ITGA8: variants seen among roughly 807,000 people sequenced by gnomAD.
ITGA8 encodes the protein integrin alpha-8.
A neutral mutation model predicts 142.3 loss-of-function variants in ITGA8; 91 were observed. The observed-to-expected ratio is 0.64, with a 90% CI of 0.54 to 0.76. The LOEUF (loss-of-function observed/expected upper bound fraction) is 0.76. Among genes scored for constraint, ITGA8 ranks in the 30% least tolerant of loss-of-function variants. ITGA8 has a pLI of 0.00. For synonymous variants in ITGA8, 505 were observed against 485.2 expected (o/e 1.04, Z -0.54); for missense variants, 1,406 against 1,327.7 (o/e 1.06, Z -0.92).
At chr10:15,582,398 A>G (rs1006624109) in intron 23 of ITGA8, among the ~76,000 whole-genome samples, 4 of 152,254 alleles carry the variant, frequency 2.6e-5, no homozygotes, top group Non-Finnish European at 4.4e-5. Context: ...TATTATTTCA[A>G]ATTAGGACAC....
rs199710630 is a variant in ITGA8, at chr10:15,718,812, G to A, written c.297C>T (p.Pro99=). 3 of 1,614,120 alleles carry A rather than the reference G, an allele frequency of 1.9e-6. 1 individual carries two copies. In the East Asian group the frequency reaches 6.7e-5, roughly 36 times the overall value. ...EGGAVYYCPW[P]AEGSAQCRQI... ...GCCTGCACTGCGCAGACCCCTCCGC[G>A]GGCCAAGGACAGTAATAGACGGCTC... Residue 99 remains proline, a synonymous_variant, in exon 2 of 30, where the codon CCC becomes CCT. Transcript: ENST00000378076.
At chr10:15,552,836 T>C (rs1833815324) in intron 26 of ITGA8, among the ~76,000 whole-genome samples, 1 of 152,206 alleles carries the variant, frequency 6.6e-6, no homozygotes, top group South Asian at 2.1e-4. Context: ...TCAATTGTTT[T>C]CTGTTCTATT....
At chr10:15,575,352 T>C in intron 24 of ITGA8, 137 bp downstream of exon 24, 1 of 646,132 alleles carries the variant, frequency 1.5e-6, no homozygotes, top group African/African-American at 1.8e-5. Flanking sequence ...ATTGCACCAC[T>C]GCACTCCAGC....
At chr10:15,700,326 G>A (rs978738659) in intron 2 of ITGA8, among the ~76,000 whole-genome samples, 1 of 152,080 alleles carries the variant, frequency 6.6e-6, no homozygotes, top group Non-Finnish European at 1.5e-5. Context: ...TCCAATCTCA[G>A]CATCTCCTGC....
At chr10:15,673,017 A>G (rs148958165) in intron 6 of ITGA8, among the ~76,000 whole-genome samples, 3 of 152,348 alleles carry the variant, frequency 2.0e-5, no homozygotes, top group Non-Finnish European at 4.4e-5. Context: ...TGATAAAAGT[A>G]TCCAAGAGTG....
At chr10:15,669,896 G>A (rs542643561) in intron 8 of ITGA8, among the ~76,000 whole-genome samples, 67 of 152,262 alleles carry the variant, frequency 4.4e-4, no homozygotes, top group East Asian at 1.9e-3. Context: ...AGGACTACCC[G>A]GCCGTGTGAG....
At chr10:15,551,871 A>G (rs1047129665) in intron 26 of ITGA8, among the ~76,000 whole-genome samples, 10 of 152,180 alleles carry the variant, frequency 6.6e-5, no homozygotes, top group African/African-American at 2.4e-4. Context: ...GTAAGAGAGA[A>G]AGAGAGTAAT....
chr10:15,529,021 C>T (rs560277353), intron 28 of ITGA8, among the ~76,000 whole-genome samples: 10 of 144,040 alleles, frequency 6.9e-5, no homozygotes, highest in Non-Finnish European at 1.2e-4. Context: ...TCCTTCCTCC[C>T]TGTCTCCCTC....
At chr10:15,561,224 T>TAA (rs199727363) in intron 25 of ITGA8, among the ~76,000 whole-genome samples, 21 of 109,358 alleles carry the variant, frequency 1.9e-4, no homozygotes, top group African/African-American at 7.8e-4. Flanking sequence ...TATATATATA[T>TAA]ATATATATAT....
intron 8 of ITGA8, among the ~76,000 whole-genome samples, chr10:15,670,827 T>G (rs1307430825): frequency 1.3e-5 from 2 of 152,200 alleles, no homozygotes; most frequent in Non-Finnish European, 2.9e-5. Flanking sequence ...AGCCCAGACT[T>G]TGCTCGAAGC....
chr10:15,698,285 C>G (rs560835190), intron 2 of ITGA8, among the ~76,000 whole-genome samples: 1 of 152,230 alleles, frequency 6.6e-6, no homozygotes, highest in Admixed American at 6.5e-5. Flanking sequence ...TATAAATATA[C>G]CATACTTTCT....
chr10:15,688,181 A>T, intron 2 of ITGA8, 143 bp from the exon 3 acceptor site: 1 of 598,020 alleles, frequency 1.7e-6, no homozygotes, highest in East Asian at 2.9e-5. Context: ...GAGGCTGGGT[A>T]TGGTGGCTCA....
intron 8 of ITGA8, among the ~76,000 whole-genome samples, chr10:15,671,013 A>C (rs1834504876): frequency 6.6e-6 from 1 of 152,196 alleles, no homozygotes; most frequent in Non-Finnish European, 1.5e-5. Context: ...CTCTATGTTT[A>C]GAATTTTATC....
chr10:15,618,293 C>T (rs1206611507), intron 13 of ITGA8, among the ~76,000 whole-genome samples: 2 of 152,106 alleles, frequency 1.3e-5, no homozygotes, highest in Non-Finnish European at 2.9e-5. Context: ...AGACTTACAA[C>T]AGTTGAAACT....
At chr10:15,579,226 A>C (rs1834358100) in intron 23 of ITGA8, among the ~76,000 whole-genome samples, 1 of 152,126 alleles carries the variant, frequency 6.6e-6, no homozygotes, top group African/African-American at 2.4e-5. Flanking sequence ...ACAGTCTTAG[A>C]GAATAATCTG....
intron 2 of ITGA8, among the ~76,000 whole-genome samples, chr10:15,702,237 T>G (rs1194723961): frequency 6.6e-6 from 1 of 152,110 alleles, no homozygotes; most frequent in East Asian, 1.9e-4. Context: ...ATTAAATAAT[T>G]TTCTTATCTT....
At chr10:15,614,046 T>G (rs562602636) in intron 14 of ITGA8, among the ~76,000 whole-genome samples, 2 of 152,216 alleles carry the variant, frequency 1.3e-5, no homozygotes, top group African/African-American at 4.8e-5. Flanking sequence ...AATTTCATTA[T>G]GAAGTGGGCC....
chr10:15,554,278 C>T (rs1252331558), intron 26 of ITGA8, among the ~76,000 whole-genome samples: 1 of 152,168 alleles, frequency 6.6e-6, no homozygotes, highest in Non-Finnish European at 1.5e-5. Flanking sequence ...CATCTGATAA[C>T]TCCGACCGGG....
At chr10:15,542,074 G>T (rs1308603859) in intron 27 of ITGA8, among the ~76,000 whole-genome samples, 3 of 152,082 alleles carry the variant, frequency 2.0e-5, no homozygotes, top group Non-Finnish European at 4.4e-5. Flanking sequence ...TTTTAAGGTG[G>T]CCAATGACAC....
Sources: allele counts gnomAD v4.1 joint callset (sites outside exome capture counted in the v4.1 genomes callset), GRCh38; gene constraint gnomAD v4.1.1; transcripts MANE v1.5; gene names NCBI Gene and HGNC (gene_info 2026-07-23, HGNC 2026-07-21).